Variants in DSCAM observed in about 807,000 individuals in gnomAD.
DSCAM encodes the protein cell adhesion molecule DSCAM.
DSCAM carries 47 observed loss-of-function variants against 217.7 expected under a neutral mutation model. That is an observed-to-expected ratio of 0.22 (90% CI 0.17 to 0.28). The LOEUF is 0.28. Among genes scored for constraint, DSCAM ranks in the 10% least tolerant of loss-of-function variants. The pLI is 1.00. For missense variants in DSCAM, 2,080 were observed against 2,618.3 expected, an observed-to-expected ratio of 0.79 and a Z score of 4.49; for synonymous variants, 1,056 against 1,015.3, an observed-to-expected ratio of 1.04 and a Z score of -0.76.
At chr21:40,032,888 C>A (rs1372292414) in intron 32 of DSCAM, among the ~76,000 whole-genome samples, 1 of 152,106 alleles carries the variant, frequency 6.6e-6, no homozygotes, top group East Asian at 1.9e-4. Flanking sequence ...GATTGAAGCC[C>A]CAAAAACTGT....
chr21:40,726,015 A>G (rs2090952559), intron 1 of DSCAM, among the ~76,000 whole-genome samples: 1 of 152,230 alleles, frequency 6.6e-6, no homozygotes, highest in African/African-American at 2.4e-5. Context: ...CATAGGTGAG[A>G]AACAAAAAGA....
intron 3 of DSCAM, among the ~76,000 whole-genome samples, chr21:40,457,239 T>C (rs547894972): frequency 6.6e-6 from 1 of 152,312 alleles, no homozygotes; most frequent in East Asian, 1.9e-4. Flanking sequence ...TGGCTGCGCA[T>C]GGTAGCTCAC....
chr21:40,139,422 C>G (rs572490389), intron 18 of DSCAM, among the ~76,000 whole-genome samples: 2 of 151,888 alleles, frequency 1.3e-5, no homozygotes, highest in South Asian at 4.2e-4. Flanking sequence ...AGACAGGAAG[C>G]GGGGAGGGGA....
At chr21:40,280,432 T>C (rs2123395932) in intron 10 of DSCAM, among the ~76,000 whole-genome samples, 1 of 152,224 alleles carries the variant, frequency 6.6e-6, no homozygotes, top group African/African-American at 2.4e-5. Flanking sequence ...CAATTGATCC[T>C]TCCACCTTAG....
rs1171655387 is a variant in DSCAM at position 40,011,219 on chromosome 21, C to T, written c.*1815G>A. On this transcript the variant is annotated 3_prime_UTR_variant, in exon 33 of 33. Coordinates refer to ENST00000400454, the MANE Select transcript of DSCAM (RefSeq NM_001389.5). ...ACATTCTGAAACCATGGATGCACAC[C>T]TCACATTCCTGGAGTCATCTAACAC... is the stretch of plus-strand genomic sequence containing the variant. The T allele has an allele frequency of 1.3e-5, 2 of 152,128 alleles. No homozygotes were observed. Among genetic ancestry groups the T allele is most frequent in the African/African-American group, 4.8e-5 (2 of 41,418 alleles). The allele number at this position is 152,128 out of a possible 1,614,324, so 9.4% of individuals were successfully genotyped here. A position where few individuals can be genotyped will look rare whatever the true frequency, so the allele number is the denominator to read the frequency against.
chr21:40,059,734 A>G (rs1012827910), intron 28 of DSCAM, among the ~76,000 whole-genome samples: 6 of 152,358 alleles, frequency 3.9e-5, no homozygotes. Context: ...CAAAGCGGTA[A>G]AATGACCTAC....
At chr21:40,499,916 G>T (rs923571150) in intron 3 of DSCAM, among the ~76,000 whole-genome samples, 1 of 152,102 alleles carries the variant, frequency 6.6e-6, no homozygotes, top group Non-Finnish European at 1.5e-5. Flanking sequence ...GAGTAGCTGG[G>T]ACTACAGACA....
rs192511225 is a variant in DSCAM at position 40,704,287 on chromosome 21, T to C, written c.361+4167A>G. Among the ~76,000 whole-genome samples, 321 of 152,360 alleles carry C rather than the reference T, an allele frequency of 2.1e-3. 2 individuals carry two copies. Among genetic ancestry groups the C allele is most frequent in the African/African-American group, 7.3e-3 (305 of 41,586 alleles). ...CAAGTAGGTGGAAGGGTATACTATG[T>C]TGCTTTTCCAGACTGGCTTCTTTCA... On this transcript the variant is annotated intron_variant, in intron 2 of 32. Transcript: ENST00000400454.
intron 20 of DSCAM, among the ~76,000 whole-genome samples, chr21:40,122,924 A>G (rs1193643728): frequency 6.6e-6 from 1 of 152,226 alleles, no homozygotes; most frequent in Non-Finnish European, 1.5e-5. Flanking sequence ...CTTGATTAAA[A>G]GATTAATCCA....
In DSCAM at chr21:40,430,125, C is replaced by T. The variant is rs563503357; in HGVS notation, c.509-60880G>A. Among the ~76,000 whole-genome samples, 4 of 152,332 alleles carry T rather than the reference C, an allele frequency of 2.6e-5. No individual in the cohort carries two copies. In the East Asian group the frequency reaches 7.7e-4, roughly 29 times the overall value. On this transcript the variant is annotated intron_variant, in intron 3 of 32. Transcript: ENST00000400454. ...TCTTGCTAAAATCCAGCACTCTGCA[C>T]ATTGCATTTGATGGAGAATTAATCT...
rs867623283 is a variant in DSCAM at position 40,016,804 on chromosome 21, C to T, written c.5687-3418G>A. Among the ~76,000 whole-genome samples, 5 of 152,290 alleles carry T rather than the reference C, an allele frequency of 3.3e-5. 1 individual carries two copies. The Middle Eastern group carries it at 0.01, about 311-fold the overall frequency. On this transcript the variant is annotated intron_variant, in intron 32 of 32. Coordinates refer to ENST00000400454, the MANE Select transcript of DSCAM (RefSeq NM_001389.5). The surrounding 1 kb of genome is among the most constrained non-coding windows in gnomAD (Gnocchi z 4.3). ...TTCAAGTTTACCCACAGAAAAAGAA[C>T]AACCAGCATAACAGAAGGAAAGGAC... is the stretch of plus-strand genomic sequence containing the variant.
rs145783149 is a variant in DSCAM at position 40,089,611 on chromosome 21, T to G, written c.3851-2324A>C. ...TGGACCCTGCTACCTGTCGCTAGACTGCTGCTGGTCTGCCTTGACTTCCCA... is the reference window on the plus strand; with the variant it reads ...TGGACCCTGCTACCTGTCGCTAGACGGCTGCTGGTCTGCCTTGACTTCCCA... On this transcript the variant is annotated intron_variant, in intron 21 of 32. Coordinates refer to ENST00000400454, the MANE Select transcript of DSCAM (RefSeq NM_001389.5). Among the ~76,000 whole-genome samples, 874 of 152,296 alleles carry G rather than the reference T, an allele frequency of 5.7e-3. 4 individuals carry two copies. The highest frequency in any genetic ancestry group is 0.027 in the Middle Eastern group (8 of 294).
intron 3 of DSCAM, among the ~76,000 whole-genome samples, chr21:40,627,968 A>G (rs1160047539): frequency 6.6e-6 from 1 of 152,088 alleles, no homozygotes; most frequent in African/African-American, 2.4e-5. Context: ...AAGACCCCCA[A>G]AGTTGTGTGT....
chr21:40,738,963 C>T (rs980511909), intron 1 of DSCAM, among the ~76,000 whole-genome samples: 2 of 152,186 alleles, frequency 1.3e-5, no homozygotes, highest in Non-Finnish European at 2.9e-5. Context: ...CAGCTCCAAC[C>T]CTGCAGGAAG....
intron 8 of DSCAM, among the ~76,000 whole-genome samples, chr21:40,324,492 A>G (rs1389579516): frequency 3.3e-5 from 5 of 152,196 alleles, no homozygotes; most frequent in Non-Finnish European, 2.9e-5. Context: ...AAAGAACTGG[A>G]TAATTTCTTG....
At chr21:40,672,846 T>C in intron 3 of DSCAM, among the ~76,000 whole-genome samples, 1 of 151,794 alleles carries the variant, frequency 6.6e-6, no homozygotes, top group Non-Finnish European at 1.5e-5. Context: ...CCCAAACATC[T>C]CTCACATCTG....
intron 3 of DSCAM, among the ~76,000 whole-genome samples, chr21:40,619,243 C>A (rs1033173718): frequency 1.3e-5 from 2 of 151,836 alleles, no homozygotes; most frequent in South Asian, 2.1e-4. Context: ...TGAAACTATA[C>A]CAGATTTATT....
chr21:40,085,129 C>T (rs2089514717), intron 23 of DSCAM, among the ~76,000 whole-genome samples: 1 of 152,194 alleles, frequency 6.6e-6, no homozygotes, highest in South Asian at 2.1e-4. Flanking sequence ...GTATTAAATA[C>T]ATAGCTAAAT....
At chr21:40,410,081 G>A (rs2075309731) in intron 3 of DSCAM, among the ~76,000 whole-genome samples, 1 of 151,850 alleles carries the variant, frequency 6.6e-6, no homozygotes, top group African/African-American at 2.4e-5. Context: ...AACAGGCAAG[G>A]AAATTAAAAC....
Sources: allele counts gnomAD v4.1 joint callset (sites outside exome capture counted in the v4.1 genomes callset), GRCh38; gene constraint gnomAD v4.1.1; non-coding constraint Gnocchi (gnomAD v3.1); transcripts MANE v1.5; gene names NCBI Gene and HGNC (gene_info 2026-07-23, HGNC 2026-07-21).